The following TRPV2 variants were observed in gnomAD, a reference collection of about 807,000 sequenced individuals.
The protein encoded by TRPV2 is transient receptor potential cation channel subfamily V member 2.
TRPV2 carries 58 observed loss-of-function variants against 91.0 expected under a neutral mutation model. The observed-to-expected ratio is 0.64, with a 90% CI of 0.52 to 0.79. TRPV2 has a LOEUF of 0.79. TRPV2 is among the 30% of genes least tolerant of loss of function. The pLI, the probability that TRPV2 is intolerant of heterozygous loss-of-function variation, is 0.00. For synonymous variants in TRPV2, 417 were observed against 414.8 expected, an observed-to-expected ratio of 1.01 and a Z score of -0.06; for missense variants, 807 against 969.6, an observed-to-expected ratio of 0.83 and a Z score of 2.23.
Position 16,423,680 on chromosome 17 carries a change from C to T in TRPV2, c.837C>T (p.Arg279=). ...MYDGLLQAGA[R]LCPTVQLEDI... The stretch of plus-strand genomic sequence containing the variant: ...ATGGGCTCCTCCAAGCTGGGGCCCG[C>T]CTCTGCCCTACCGTGCAGCTTGAGG... Residue 279 remains arginine (R), a synonymous_variant, in exon 5 of 15, where the codon CGC becomes CGT. Transcript: ENST00000338560. The T allele has an allele frequency of 6.2e-7, 1 of 1,614,130 alleles. No homozygotes were observed. Among genetic ancestry groups the T allele is most frequent in the South Asian group, 1.1e-5 (1 of 91,084 alleles).
intron 1 of TRPV2, chr17:16,416,531 C>G (rs2093331354): frequency 6.5e-6 from 1 of 153,080 alleles, no homozygotes; most frequent in African/African-American, 2.4e-5. Context: ...CTAGGCCAGC[C>G]TAGGGCCTGA....
Position 16,420,244 on chromosome 17 carries a change from C to T in TRPV2, c.330C>T (p.Tyr110=). 1 of 1,613,068 alleles carries T rather than the reference C, an allele frequency of 6.2e-7. No homozygotes were observed. The change falls in exon 3 of 15, where the codon TAC becomes TAT. Residue 110 remains tyrosine (Y), a synonymous_variant. Coordinates refer to ENST00000338560, the MANE Select transcript of TRPV2 (RefSeq NM_016113.5). The part of the protein sequence containing the change: ...KTSKYLTDSE[Y]TEGSTGKTCL... ...GCAAGTACCTCACCGACTCGGAATA[C>T]ACAGGTAGACCCTGCCCTGTGGATC...
intron 7 of TRPV2, 27 bp from the exon 8 acceptor site, chr17:16,427,422 C>G (rs1285405235): frequency 6.2e-7 from 1 of 1,609,642 alleles, no homozygotes; most frequent in South Asian, 1.1e-5. Context: ...ACCCAAGGCC[C>G]TAGGTCTCAT....
chr17:16,422,599 AG>A lies in TRPV2; in HGVS notation c.338del (p.Gly113AlafsTer8). Reference sequence around the variant, plus strand: ...CCCTTCCCCTCCCTTCTTCCCACAGAGGGCTCCACAGGTAAGACGTGCCTGA... The same window carrying A: ...CCCTTCCCCTCCCTTCTTCCCACAGAGGCTCCACAGGTAAGACGTGCCTGA... ...SKYLTDSEYTEGSTGKTCLMK... is the reference protein window; with the variant it reads ...SKYLTDSEYTXGSTGKTCLMK... On this transcript the variant is annotated frameshift_variant and splice_region_variant, in exon 4 of 15. Transcript: ENST00000338560. LOFTEE classifies it high-confidence loss of function. 1 of 1,611,706 alleles carries A rather than the reference AG, an allele frequency of 6.2e-7. No individual in the cohort carries two copies. Among genetic ancestry groups the A allele is most frequent in the Non-Finnish European group, 8.5e-7 (1 of 1,178,364 alleles).
chr17:16,429,864 AC>A (rs1203789167), intron 10 of TRPV2, among the ~76,000 whole-genome samples: 1 of 149,738 alleles, frequency 6.7e-6, no homozygotes, highest in Non-Finnish European at 1.5e-5. Flanking sequence ...CTAACATGGA[AC>A]TTTTTTTTTT....
intron 13 of TRPV2, chr17:16,434,661 C>G (rs2093427928): frequency 2.0e-6 from 1 of 493,222 alleles, no homozygotes; most frequent in Admixed American, 4.3e-5. Flanking sequence ...CTGTGAACAG[C>G]CAGAAGCGAT....
chr17:16,428,247 C>T, intron 8 of TRPV2, 70 bp from the exon 9 acceptor site: 1 of 1,505,930 alleles, frequency 6.6e-7, no homozygotes, highest in Non-Finnish European at 9.2e-7. Context: ...CAGGCTCCCA[C>T]TCAGCCAGGC....
intron 4 of TRPV2, 82 bp downstream of exon 4, chr17:16,422,971 G>C: frequency 6.8e-7 from 1 of 1,461,884 alleles, no homozygotes; most frequent in Non-Finnish European, 9.1e-7. Flanking sequence ...GTATGACAGA[G>C]CTGGCAGTTA....
At position 16,417,770 on chromosome 17, in the gene TRPV2, C is replaced by T. The variant is rs368628614; in HGVS notation, c.102C>T (p.Ser34=). 28 of 1,614,058 alleles carry T rather than the reference C, an allele frequency of 1.7e-5. No individual in the cohort carries two copies. The highest frequency in any genetic ancestry group is 1.3e-4 in the African/African-American group (10 of 74,918). ...ACAGAGGAAAGCTGGATTTTGGGAGCGGGCTGCCTCCCATGGAGTCACAGT... is the reference window on the plus strand; with the variant it reads ...ACAGAGGAAAGCTGGATTTTGGGAGTGGGCTGCCTCCCATGGAGTCACAGT... ...EADRGKLDFG[S]GLPPMESQFQ... The change falls in exon 2 of 15, where the codon AGC becomes AGT. Residue 34 remains serine (S), a synonymous_variant. Coordinates refer to ENST00000338560, the MANE Select transcript of TRPV2 (RefSeq NM_016113.5).
At chr17:16,428,764 G>T in intron 9 of TRPV2, 53 bp from the exon 10 acceptor site, 1 of 1,608,458 alleles carries the variant, frequency 6.2e-7, no homozygotes, top group Non-Finnish European at 8.5e-7. Flanking sequence ...GGCCAGTGGG[G>T]GCTCAGGGAG....
At chr17:16,431,264 T>TATATAC in intron 10 of TRPV2, among the ~76,000 whole-genome samples, 1 of 68,220 alleles carries the variant, frequency 1.5e-5, no homozygotes, top group South Asian at 4.8e-4. Flanking sequence ...GACATATATA[T>TATATAC]ATATATATAT....
Position 16,420,266 on chromosome 17 carries a change from G to T in TRPV2, c.334+18G>T. On this transcript the variant is annotated intron_variant, in intron 3 of 14. Coordinates refer to ENST00000338560, the MANE Select transcript of TRPV2 (RefSeq NM_016113.5). ...ATACACAGGTAGACCCTGCCCTGTG[G>T]ATCCAAGGCTAGGCATCCTGTGAGC... The T allele has an allele frequency of 6.3e-7, 1 of 1,599,030 alleles. No homozygotes were observed. The highest frequency in any genetic ancestry group is 8.6e-7 in the Non-Finnish European group (1 of 1,169,216).
rs985168575 is a variant in TRPV2 at position 16,435,964 on chromosome 17, A to C, written c.2195-825A>C. Among the ~76,000 whole-genome samples the C allele has an allele frequency of 6.6e-6, 1 of 151,638 alleles. No homozygotes were observed. Among genetic ancestry groups the C allele is most frequent in the Non-Finnish European group, 1.5e-5 (1 of 67,884 alleles). On this transcript the variant is annotated intron_variant, in intron 14 of 14. Coordinates refer to ENST00000338560, the MANE Select transcript of TRPV2 (RefSeq NM_016113.5). The surrounding 1 kb of genome is among the most constrained non-coding windows in gnomAD (Gnocchi z 4.2). ...TCTTGCCCCAAGCACTCCACACCCC[A>C]CTGCCTGCTGGGGCCTCCAATGTGA...
chr17:16,431,256 C>CATATATATATAT lies in TRPV2; in HGVS notation c.1588-508_1588-497dup, dbSNP rs60066961. Among the ~76,000 whole-genome samples the CATATATATATAT allele has an allele frequency of 1.5e-3, 99 of 67,770 alleles. 1 individual carries two copies. Among genetic ancestry groups the CATATATATATAT allele is most frequent in the African/African-American group, 5.2e-3 (75 of 14,482 alleles). 44.5% of individuals were successfully genotyped at this position (67,770 alleles called of 152,430 possible). A position where few individuals can be genotyped will look rare whatever the true frequency, so the allele number is the denominator to read the frequency against. Reference sequence around the variant, plus strand: ...AGCAGGAAAACAATGTGATCTGAGACATATATATATATATATATATATATA... The same window carrying CATATATATATAT: ...AGCAGGAAAACAATGTGATCTGAGACATATATATATATATATATATATATATATATATATATA... On this transcript the variant is annotated intron_variant, in intron 10 of 14. Transcript: ENST00000338560.
intron 13 of TRPV2, 148 bp from the exon 14 acceptor site, chr17:16,434,742 C>A: frequency 3.0e-6 from 2 of 677,886 alleles, no homozygotes; most frequent in Non-Finnish European, 2.5e-6. Flanking sequence ...CAGAACCCTG[C>A]AGAGAAAAAG....
In TRPV2 at chr17:16,426,087, G is replaced by A. The variant is rs1295872707; in HGVS notation, c.925-12G>A. 3 of 1,613,944 alleles carry A rather than the reference G, an allele frequency of 1.9e-6. No homozygotes were observed. Among genetic ancestry groups the A allele is most frequent in the Non-Finnish European group, 2.5e-6 (3 of 1,179,948 alleles). On this transcript the variant is annotated splice_polypyrimidine_tract_variant and intron_variant, in intron 5 of 14. Transcript: ENST00000338560. This position sits in a 1 kb window ranked among gnomAD's most constrained non-coding sequence, Gnocchi z 6.0. ...GGGACCATGAATGCAAGCTCATATG[G>A]CCACCCTGCAGATTTTCAGGCACAT...
chr17:16,420,630 C>T (rs1004862935), intron 3 of TRPV2, among the ~76,000 whole-genome samples: 4 of 152,194 alleles, frequency 2.6e-5, no homozygotes, highest in African/African-American at 9.6e-5. Flanking sequence ...ATCTAAATAT[C>T]TGTATTGTTT....
Position 16,435,537 on chromosome 17 carries a change from CCCACCCTGCTGCCT to C in TRPV2, c.2194+574_2194+587del, listed in dbSNP as rs1418373892. 6.6e-6 allele frequency among the ~76,000 whole-genome samples: 1 copy of C among 152,134 alleles called. No homozygotes were observed. Among genetic ancestry groups the C allele is most frequent in the Non-Finnish European group, 1.5e-5 (1 of 68,004 alleles). On this transcript the variant is annotated intron_variant, in intron 14 of 14. Coordinates refer to ENST00000338560, the MANE Select transcript of TRPV2 (RefSeq NM_016113.5). The surrounding 1 kb of genome is among the most constrained non-coding windows in gnomAD (Gnocchi z 4.2). ...CAGTGTAGTGATGGCCCCTCCTGTC[CCCACCCTGCTGCCT>C]CCACCAAGACTGGTTCCTTCCTCCC...
Position 16,426,466 on chromosome 17 carries a change from C to T in TRPV2, c.1095+197C>T, listed in dbSNP as rs914778971. On this transcript the variant is annotated intron_variant, in intron 6 of 14. Transcript: ENST00000338560. The surrounding 1 kb of genome is among the most constrained non-coding windows in gnomAD (Gnocchi z 6.0). The stretch of plus-strand genomic sequence containing the variant: ...ATCCATACTCTAGTCCCATCCAAGA[C>T]GGGGATCATGCCAAGGGCCTCGTGG... Among the ~76,000 whole-genome samples, 14 of 152,204 alleles carry T rather than the reference C, an allele frequency of 9.2e-5. No homozygotes were observed. The highest frequency in any genetic ancestry group is 3.8e-4 in the East Asian group (2 of 5,202).
Sources: gnomAD v4.1 joint callset for allele counts (sites outside exome capture counted in the v4.1 genomes callset) on GRCh38, gnomAD v4.1.1 for gene constraint, Gnocchi (gnomAD v3.1) non-coding constraint, MANE v1.5 for transcripts, NCBI Gene and HGNC (gene_info 2026-07-23, HGNC 2026-07-21) for gene names.